Variants in GJE1 observed in about 807,000 individuals in gnomAD.
GJE1 encodes the protein gap junction epsilon-1 protein.
GJE1 carries 9 observed loss-of-function variants against 6.2 expected under a neutral mutation model. The ratio of observed to expected loss-of-function variants is 1.45; its 90% CI spans 0.87 to 2.52. GJE1 has a LOEUF of 2.52. GJE1 is among the 30% of genes most tolerant of loss of function. The probability of loss-of-function intolerance (pLI) is 0.00; values close to 1 mark genes in which losing one functional copy is unlikely to be tolerated. For missense variants in GJE1, 190 were observed against 87.7 expected (o/e 2.17, Z -4.66); for synonymous variants, 65 against 30.1 (o/e 2.16, Z -3.80).
chr6:142,133,817 T>C (rs1441335574), intron 1 of GJE1, 33 bp from the exon 2 acceptor site: 24 of 611,240 alleles, frequency 3.9e-5, no homozygotes, highest in Non-Finnish European at 6.9e-5. Context: ...TGTTTGTGTT[T>C]AAAAGATTTT....
chr6:142,134,462 G>GT (rs1044148152), intron 2 of GJE1, 77 bp from the exon 3 acceptor site: 11 of 457,086 alleles, frequency 2.4e-5, no homozygotes, highest in Non-Finnish European at 3.5e-5. Context: ...AGTTAGTGGG[G>GT]TTTTTTTAGT....
chr6:142,134,454 T>C, intron 2 of GJE1, 85 bp from the exon 3 acceptor site: 1 of 458,078 alleles, frequency 2.2e-6, no homozygotes. Context: ...CTGTTGAGAG[T>C]TAGTGGGGTT....
At chr6:142,133,900 G>A (rs1002450510) in exon 2 of GJE1, 46 of 701,804 alleles carry the variant, frequency 6.6e-5, no homozygotes, top group Admixed American at 1.2e-4. Flanking sequence ...TCTTTGGATC[G>A]ATCCGAATAT....
exon 3 of GJE1, chr6:142,135,053 T>C (rs1778227426): frequency 2.3e-6 from 1 of 428,884 alleles, no homozygotes; most frequent in East Asian, 3.5e-5. Flanking sequence ...TAAAATATAG[T>C]GCCTGGTTGT....
intron 2 of GJE1, 37 bp from the exon 3 acceptor site, chr6:142,134,502 T>A (rs148069821): frequency 2.1e-5 from 10 of 479,970 alleles, no homozygotes; most frequent in African/African-American, 1.8e-4. Flanking sequence ...ATTAATTGAT[T>A]TACTAAGATA....
chr6:142,134,690 T>C (rs573399849), exon 3 of GJE1: 2 of 696,046 alleles, frequency 2.9e-6, no homozygotes, highest in African/African-American at 1.8e-5. Flanking sequence ...CTAGCGGCAA[T>C]AGCATTCTGG....
At chr6:142,133,812 G>A (rs943249557) in intron 1 of GJE1, 38 bp from the exon 2 acceptor site, 2 of 601,570 alleles carry the variant, frequency 3.3e-6, no homozygotes, top group African/African-American at 1.8e-5. Context: ...TTTAATGTTT[G>A]TGTTTAAAAG....
Sources: allele counts gnomAD v4.1 joint callset, GRCh38; gene constraint gnomAD v4.1.1; transcripts MANE v1.5; gene names NCBI Gene and HGNC (gene_info 2026-07-23, HGNC 2026-07-21).